The following GRIN2B variants were observed in gnomAD, a reference collection of about 807,000 sequenced individuals.
The protein encoded by GRIN2B is glutamate receptor ionotropic, NMDA 2B.
A neutral mutation model predicts 114.5 loss-of-function variants in GRIN2B; 5 were observed. That is an observed-to-expected ratio of 0.04 (90% CI 0.02 to 0.09). GRIN2B has a LOEUF of 0.09. Ranked by LOEUF, GRIN2B falls within the 10% of genes least tolerant of loss-of-function variation. The probability of loss-of-function intolerance (pLI) is 1.00; values close to 1 mark genes in which losing one functional copy is unlikely to be tolerated. For missense variants in GRIN2B, 1,108 were observed against 1,943.5 expected (o/e 0.57, Z 8.08); for synonymous variants, 787 against 745.1 (o/e 1.06, Z -0.92).
At position 13,853,647 on chromosome 12, in the gene GRIN2B, C is replaced by G. The variant is rs151211956; in HGVS notation, c.411+12151G>C. On this transcript the variant is annotated intron_variant, in intron 3 of 13. Coordinates refer to ENST00000609686, the MANE Select transcript of GRIN2B (RefSeq NM_000834.5). The stretch of plus-strand genomic sequence containing the variant: ...TAAAGTGGACACAAATGTGATAACT[C>G]CAGCTGGAAGTGCCAGGTTGCTGAT... Among the ~76,000 whole-genome samples the G allele has an allele frequency of 1.8e-3, 279 of 152,274 alleles. 1 individual carries two copies. Among genetic ancestry groups the G allele is most frequent in the African/African-American group, 6.4e-3 (265 of 41,552 alleles).
intron 3 of GRIN2B, among the ~76,000 whole-genome samples, chr12:13,783,876 A>C (rs1446309757): frequency 1.3e-5 from 2 of 152,104 alleles, no homozygotes; most frequent in Non-Finnish European, 2.9e-5. Flanking sequence ...GTGTTTTCAG[A>C]ATTTGCACCT....
In GRIN2B at chr12:13,618,059, C is replaced by T. The variant is rs1023337557; in HGVS notation, c.1126-1402G>A. ...TTGCTTCTTTGTTCAGAATCATGCA[C>T]TGAACCAAACGTTTGCTTTCCTTCA... On this transcript the variant is annotated intron_variant, in intron 5 of 13. Coordinates refer to ENST00000609686, the MANE Select transcript of GRIN2B (RefSeq NM_000834.5). Among the ~76,000 whole-genome samples the T allele has an allele frequency of 3.9e-5, 6 of 152,366 alleles. No homozygotes were observed. The East Asian group carries it at 1.2e-3, about 29-fold the overall frequency.
At position 13,615,486 on chromosome 12, in the gene GRIN2B, C is replaced by T. The variant is rs201094275; in HGVS notation, c.1500+7G>A. 61 of 1,608,796 alleles carry T rather than the reference C, an allele frequency of 3.8e-5. 1 individual carries two copies. Among genetic ancestry groups the T allele is most frequent in the South Asian group, 2.4e-4 (22 of 90,952 alleles). On this transcript the variant is annotated splice_region_variant and intron_variant, in intron 7 of 13. Coordinates refer to ENST00000609686, the MANE Select transcript of GRIN2B (RefSeq NM_000834.5). The surrounding 1 kb of genome is among the most constrained non-coding windows in gnomAD (Gnocchi z 5.8). Reference sequence around the variant, plus strand: ...TGGAAATGGAAACAGCCCTTGTGGACACTCACCTCTCCAATCATACCATTC... The same window carrying T: ...TGGAAATGGAAACAGCCCTTGTGGATACTCACCTCTCCAATCATACCATTC...
chr12:13,655,082 A>G (rs573359685), intron 5 of GRIN2B, among the ~76,000 whole-genome samples: 2 of 152,298 alleles, frequency 1.3e-5, no homozygotes, highest in African/African-American at 4.8e-5. Flanking sequence ...GAGTTGGGCC[A>G]GTGTAACACT....
rs990801556 is a variant in GRIN2B, at chr12:13,547,026, C to T, written c.*15757G>A. On this transcript the variant is annotated 3_prime_UTR_variant, in exon 14 of 14. Transcript: ENST00000609686. ...ATTTGCCTGCTTGTCATTCTTTCTC[C>T]AACTTCCTAAGTTAAAAAATGATGA... is the stretch of plus-strand genomic sequence containing the variant. 1 of 152,130 alleles carries T rather than the reference C, an allele frequency of 6.6e-6. No individual in the cohort carries two copies. The highest frequency in any genetic ancestry group is 2.4e-5 in the African/African-American group (1 of 41,420). The allele number at this position is 152,130 out of a possible 1,614,324, so 9.4% of individuals were successfully genotyped here. A position where few individuals can be genotyped will look rare whatever the true frequency, so the allele number is the denominator to read the frequency against.
chr12:13,956,839 C>T (rs1025568218), intron 2 of GRIN2B, among the ~76,000 whole-genome samples: 1 of 152,180 alleles, frequency 6.6e-6, no homozygotes, highest in Non-Finnish European at 1.5e-5. Flanking sequence ...TTTCTCTAGA[C>T]TCAAGAGAGT....
intron 2 of GRIN2B, among the ~76,000 whole-genome samples, chr12:13,974,245 G>A (rs1272839725): frequency 6.6e-6 from 1 of 152,138 alleles, no homozygotes; most frequent in African/African-American, 2.4e-5. Flanking sequence ...CTTTGTAATG[G>A]CCATCAACAG....
chr12:13,712,666 A>T (rs1182995205), intron 4 of GRIN2B, among the ~76,000 whole-genome samples: 1 of 151,900 alleles, frequency 6.6e-6, no homozygotes, highest in Non-Finnish European at 1.5e-5. Flanking sequence ...TGTTTCCATT[A>T]GAATTTTATC....
chr12:13,601,097 C>T (rs1228930261), intron 10 of GRIN2B, among the ~76,000 whole-genome samples: 4 of 152,170 alleles, frequency 2.6e-5, no homozygotes, highest in Non-Finnish European at 4.4e-5. Context: ...GCACTGAAGT[C>T]TAAAGGATGC....
At chr12:13,588,327 A>G (rs1363760366) in intron 10 of GRIN2B, among the ~76,000 whole-genome samples, 6 of 152,202 alleles carry the variant, frequency 3.9e-5, no homozygotes, top group African/African-American at 1.4e-4. Flanking sequence ...TACTTAGTGA[A>G]AGGATAGACA....
intron 3 of GRIN2B, among the ~76,000 whole-genome samples, chr12:13,863,064 A>G (rs1164813832): frequency 1.3e-5 from 2 of 152,210 alleles, no homozygotes; most frequent in East Asian, 1.9e-4. Flanking sequence ...TATTTGGCGG[A>G]GAGAAAGACA....
intron 3 of GRIN2B, among the ~76,000 whole-genome samples, chr12:13,824,854 T>TTAA (rs1352104599): frequency 2.1e-5 from 1 of 48,380 alleles, no homozygotes; most frequent in Non-Finnish European, 6.0e-5. Flanking sequence ...AGACTCCATT[T>TTAA]CAAAAAAAAA....
chr12:13,567,931 G>C (rs569530332), intron 12 of GRIN2B, among the ~76,000 whole-genome samples: 1 of 152,140 alleles, frequency 6.6e-6, no homozygotes, highest in South Asian at 2.1e-4. Flanking sequence ...AATCAAACGA[G>C]TGATTCAGAA....
intron 2 of GRIN2B, among the ~76,000 whole-genome samples, chr12:13,951,916 G>C (rs1304491917): frequency 6.6e-6 from 1 of 152,056 alleles, no homozygotes; most frequent in African/African-American, 2.4e-5. Flanking sequence ...GAAAAAGAAA[G>C]AAAAAGAAAG....
chr12:13,880,709 T>A (rs1866058464), intron 2 of GRIN2B, among the ~76,000 whole-genome samples: 1 of 152,198 alleles, frequency 6.6e-6, no homozygotes. Flanking sequence ...GAAATAATAT[T>A]CATGGAAACA....
chr12:13,923,572 T>C (rs1866858500), intron 2 of GRIN2B, among the ~76,000 whole-genome samples: 2 of 152,054 alleles, frequency 1.3e-5, no homozygotes, highest in Non-Finnish European at 1.5e-5. Context: ...AGAGAGAGAG[T>C]AGGCAGAGAA....
intron 4 of GRIN2B, among the ~76,000 whole-genome samples, chr12:13,694,801 A>T (rs1950246802): frequency 6.6e-6 from 1 of 150,972 alleles, no homozygotes; most frequent in Admixed American, 6.6e-5. Context: ...AGACAAAAAA[A>T]GAATGTGTCT....
At chr12:13,783,057 G>A (rs1864148883) in intron 3 of GRIN2B, among the ~76,000 whole-genome samples, 2 of 152,060 alleles carry the variant, frequency 1.3e-5, no homozygotes, top group Non-Finnish European at 2.9e-5. Context: ...TTAAATGTTA[G>A]TATTAAAAAA....
intron 3 of GRIN2B, among the ~76,000 whole-genome samples, chr12:13,772,572 A>G (rs1863925560): frequency 6.6e-6 from 1 of 152,238 alleles, no homozygotes; most frequent in Non-Finnish European, 1.5e-5. Context: ...ATTTTACAAT[A>G]TAAAATTCTC....
Sources: allele counts gnomAD v4.1 joint callset (sites outside exome capture counted in the v4.1 genomes callset), GRCh38; gene constraint gnomAD v4.1.1; non-coding constraint Gnocchi (gnomAD v3.1); transcripts MANE v1.5; gene names NCBI Gene and HGNC (gene_info 2026-07-23, HGNC 2026-07-21).